The following DLGAP1 variants were observed in gnomAD, a reference collection of about 807,000 sequenced individuals.
The protein encoded by DLGAP1 is disks large-associated protein 1.
DLGAP1 carries 11 observed loss-of-function variants against 90.8 expected under a neutral mutation model. The ratio of observed to expected loss-of-function variants is 0.12; its 90% CI spans 0.08 to 0.20. DLGAP1 has a LOEUF of 0.20. DLGAP1 is among the 10% of genes least tolerant of loss of function. The probability of loss-of-function intolerance (pLI) is 1.00; values close to 1 mark genes in which losing one functional copy is unlikely to be tolerated. For synonymous variants in DLGAP1, 558 were observed against 540.7 expected, an observed-to-expected ratio of 1.03 and a Z score of -0.44; for missense variants, 1,050 against 1,333.8, an observed-to-expected ratio of 0.79 and a Z score of 3.31.
chr18:3,849,473 A>G (rs2069212579), intron 4 of DLGAP1, among the ~76,000 whole-genome samples: 1 of 152,142 alleles, frequency 6.6e-6, no homozygotes, highest in African/African-American at 2.4e-5. Flanking sequence ...AGAAGATCTC[A>G]GGTACTAGAT....
At chr18:3,540,396 G>A (rs2052623424) in intron 9 of DLGAP1, among the ~76,000 whole-genome samples, 2 of 150,302 alleles carry the variant, frequency 1.3e-5, no homozygotes, top group South Asian at 2.1e-4. Flanking sequence ...GAAGAACCCG[G>A]GAGGCAGAGG....
intron 2 of DLGAP1, among the ~76,000 whole-genome samples, chr18:4,005,431 C>G (rs991046993): frequency 2.0e-5 from 3 of 152,114 alleles, no homozygotes; most frequent in Non-Finnish European, 4.4e-5. Flanking sequence ...TTCTGAATTT[C>G]TTTGTTGTGT....
chr18:3,523,919 A>C (rs1046620647), intron 10 of DLGAP1, among the ~76,000 whole-genome samples: 6 of 152,232 alleles, frequency 3.9e-5, no homozygotes, highest in Admixed American at 3.9e-4. Flanking sequence ...ACAAACAAAC[A>C]AAACCAGAAG....
chr18:3,888,378 A>G (rs1184034527), intron 3 of DLGAP1, among the ~76,000 whole-genome samples: 2 of 152,164 alleles, frequency 1.3e-5, no homozygotes, highest in African/African-American at 4.8e-5. Context: ...ATATTACTCA[A>G]AGTACAATGC....
chr18:4,205,577 C>G (rs2077704433), intron 1 of DLGAP1, among the ~76,000 whole-genome samples: 1 of 152,182 alleles, frequency 6.6e-6, no homozygotes, highest in Admixed American at 6.5e-5. Context: ...ACAGTAAAGT[C>G]AAATTCCTGG....
At position 3,497,286 on chromosome 18, in the gene DLGAP1, C is replaced by T. The variant is rs2049726248; in HGVS notation, c.*1899G>A. The T allele has an allele frequency of 6.7e-6, 1 of 149,476 alleles. No individual in the cohort carries two copies. Among genetic ancestry groups the T allele is most frequent in the Admixed American group, 6.7e-5 (1 of 14,970 alleles). 9.3% of individuals were successfully genotyped at this position (149,476 alleles called of 1,614,324 possible). On this transcript the variant is annotated 3_prime_UTR_variant, in exon 13 of 13. Coordinates refer to ENST00000315677, the MANE Select transcript of DLGAP1 (RefSeq NM_004746.4). ...CTAGCAAATACTTGAAGCTCAAAAT[C>T]TCTGTATGCTCCAATTTCACAAAGC...
chr18:4,330,161 G>A (rs543266815), intron 1 of DLGAP1, among the ~76,000 whole-genome samples: 1 of 151,968 alleles, frequency 6.6e-6, no homozygotes, highest in African/African-American at 2.4e-5. Flanking sequence ...GCTTAAAGAT[G>A]CTCACTCATC....
chr18:4,085,530 A>G (rs1444866508), intron 2 of DLGAP1, among the ~76,000 whole-genome samples: 5 of 152,242 alleles, frequency 3.3e-5, no homozygotes, highest in East Asian at 3.8e-4. Flanking sequence ...GTTGTCACAC[A>G]GTATTTTTAG....
intron 1 of DLGAP1, among the ~76,000 whole-genome samples, chr18:4,356,024 T>A (rs1345143274): frequency 6.6e-6 from 1 of 151,862 alleles, no homozygotes; most frequent in Non-Finnish European, 1.5e-5. Context: ...GACATCTATG[T>A]TCCTGTCTAG....
rs760884379 is a variant in DLGAP1 at position 4,355,653 on chromosome 18, AT to A, written c.-267+99352del. On this transcript the variant is annotated intron_variant, in intron 1 of 12. Coordinates refer to ENST00000315677, the MANE Select transcript of DLGAP1 (RefSeq NM_004746.4). ...AGTGACTTCTGTAGATGGTGCCCAC[AT>A]CCATTTCCTGGTTGTGATATTGTAC... is the stretch of plus-strand genomic sequence containing the variant. 3.1e-3 allele frequency among the ~76,000 whole-genome samples: 462 copies of A among 151,368 alleles called. 2 individuals are homozygous for A. The highest frequency in any genetic ancestry group is 5.3e-3 in the Non-Finnish European group (357 of 67,912).
At chr18:4,269,314 T>C (rs938097010) in intron 1 of DLGAP1, among the ~76,000 whole-genome samples, 3 of 147,732 alleles carry the variant, frequency 2.0e-5, no homozygotes, top group Admixed American at 6.8e-5. Context: ...ATTCTAATAT[T>C]CATATTATTT....
intron 2 of DLGAP1, among the ~76,000 whole-genome samples, chr18:4,064,817 G>T (rs992589813): frequency 1.3e-5 from 2 of 151,734 alleles, no homozygotes; most frequent in African/African-American, 4.8e-5. Context: ...TTAATAAGGA[G>T]GGATCCTCCC....
At chr18:4,320,717 T>TACACAC (rs71160954) in intron 1 of DLGAP1, among the ~76,000 whole-genome samples, 1 of 146,820 alleles carries the variant, frequency 6.8e-6, no homozygotes, top group African/African-American at 2.5e-5. Context: ...ATTACAATTT[T>TACACAC]ACACACACAC....
Position 4,386,617 on chromosome 18 carries a change from T to A in DLGAP1, c.-267+68389A>T, listed in dbSNP as rs2082235115. Among the ~76,000 whole-genome samples the A allele has an allele frequency of 2.6e-5, 4 of 152,008 alleles. No homozygotes were observed. In the South Asian group the frequency reaches 8.3e-4, roughly 32 times the overall value. Reference sequence around the variant, plus strand: ...AGAGCTGGCTCAGAGTTAATACAGGTGATAATGGGAAAATATGGGCATGAG... The same window carrying A: ...AGAGCTGGCTCAGAGTTAATACAGGAGATAATGGGAAAATATGGGCATGAG... On this transcript the variant is annotated intron_variant, in intron 1 of 12. Coordinates refer to ENST00000315677, the MANE Select transcript of DLGAP1 (RefSeq NM_004746.4).
intron 1 of DLGAP1, among the ~76,000 whole-genome samples, chr18:4,218,002 C>A (rs112521427): frequency 6.7e-6 from 1 of 149,622 alleles, no homozygotes; most frequent in African/African-American, 2.6e-5. Flanking sequence ...AAGTCATGTA[C>A]GTTTTTCCCT....
chr18:3,604,533 C>G (rs1318938642), intron 7 of DLGAP1: 2 of 152,118 alleles, frequency 1.3e-5, no homozygotes, highest in African/African-American at 4.8e-5. Context: ...TTATTTTTCA[C>G]TTAAGGTTCC....
chr18:4,319,168 C>A (rs1168337671), intron 1 of DLGAP1, among the ~76,000 whole-genome samples: 2 of 152,070 alleles, frequency 1.3e-5, no homozygotes, highest in African/African-American at 4.8e-5. Flanking sequence ...AAAGATATAT[C>A]TATGGCTTTT....
At chr18:3,691,426 CAAAAAAAAAAA>C (rs34761241) in intron 7 of DLGAP1, among the ~76,000 whole-genome samples, 1 of 123,632 alleles carries the variant, frequency 8.1e-6, no homozygotes, top group Admixed American at 8.3e-5. Context: ...GACTCTGTCT[CAAAAAAAAAAA>C]AAAAATTACT....
At chr18:4,009,494 C>T (rs2074375535) in intron 2 of DLGAP1, among the ~76,000 whole-genome samples, 1 of 152,128 alleles carries the variant, frequency 6.6e-6, no homozygotes, top group South Asian at 2.1e-4. Context: ...GCTGAATGTG[C>T]CTGGTACTCT....
Sources: allele counts gnomAD v4.1 joint callset (sites outside exome capture counted in the v4.1 genomes callset), GRCh38; gene constraint gnomAD v4.1.1; transcripts MANE v1.5; gene names NCBI Gene and HGNC (gene_info 2026-07-23, HGNC 2026-07-21).